CDK13: variants seen among roughly 807,000 people sequenced by gnomAD.
CDK13 encodes the protein cyclin-dependent kinase 13.
In CDK13, 40 loss-of-function variants were observed where a neutral mutation model predicts 137.6. The observed-to-expected ratio is 0.29, with a 90% CI of 0.23 to 0.38. The LOEUF (loss-of-function observed/expected upper bound fraction) is 0.38, where lower values mean the gene tolerates loss of function less well. CDK13 is among the 10% of genes least tolerant of loss of function. The probability of loss-of-function intolerance (pLI) is 1.00; values close to 1 mark genes in which losing one functional copy is unlikely to be tolerated. For synonymous variants in CDK13, 869 were observed against 760.1 expected, an observed-to-expected ratio of 1.14 and a Z score of -2.36; for missense variants, 1,704 against 1,951.8, an observed-to-expected ratio of 0.87 and a Z score of 2.39.
At position 40,098,810 on chromosome 7, in the gene CDK13, TTTAACACAAGTGGCTTTAA is replaced by T. The variant is rs1787092441; in HGVS notation, c.*3831_*3849del. On this transcript the variant is annotated 3_prime_UTR_variant, in exon 14 of 14. Coordinates refer to ENST00000181839, the MANE Select transcript of CDK13 (RefSeq NM_003718.5). ...AATAATTAGACTATTGGACTAATGG[TTTAACACAAGTGGCTTTAA>T]AAAGTCTGCTTAAAAAACAATTTTT... 6.6e-6 allele frequency: 1 copy of T among 152,086 alleles called. No individual in the cohort carries two copies. The allele number at this position is 152,086 out of a possible 1,614,324, so 9.4% of individuals were successfully genotyped here. A position where few individuals can be genotyped will look rare whatever the true frequency, so the allele number is the denominator to read the frequency against.
chr7:40,078,900 T>C (rs1335018463), intron 11 of CDK13, 49 bp downstream of exon 11: 1 of 731,342 alleles, frequency 1.4e-6, no homozygotes, highest in Non-Finnish European at 1.8e-6. Flanking sequence ...ATTATATTTA[T>C]TATATTAAAA....
At chr7:39,964,630 A>G (rs1363076064) in intron 1 of CDK13, among the ~76,000 whole-genome samples, 2 of 146,204 alleles carry the variant, frequency 1.4e-5, no homozygotes, top group East Asian at 4.0e-4. Context: ...TATTTCCTTC[A>G]GTTCTGCTCT....
intron 5 of CDK13, among the ~76,000 whole-genome samples, chr7:40,007,474 T>G (rs1784816337): frequency 6.6e-6 from 1 of 152,238 alleles, no homozygotes; most frequent in Admixed American, 6.5e-5. Context: ...TCACCCAGGC[T>G]GGAGTGCAGT....
intron 9 of CDK13, chr7:40,073,584 TTCTTTC>T (rs1026944642): frequency 6.8e-6 from 1 of 148,120 alleles, no homozygotes; most frequent in Non-Finnish European, 1.5e-5. Flanking sequence ...CTTTTTCTTT[TTCTTTC>T]TTTCTTTTTT....
At chr7:39,999,326 A>G (rs758921796) in intron 3 of CDK13, 35 bp from the exon 4 acceptor site, 2 of 1,554,012 alleles carry the variant, frequency 1.3e-6, no homozygotes, top group Admixed American at 1.9e-5. Context: ...AATTTGCTTG[A>G]TTGTATATAA....
At chr7:39,959,102 C>A (rs1206509678) in intron 1 of CDK13, among the ~76,000 whole-genome samples, 1 of 151,214 alleles carries the variant, frequency 6.6e-6, no homozygotes, top group Admixed American at 6.6e-5. Context: ...GCACCATTAT[C>A]GTTTCATTCA....
chr7:40,082,728 T>C (rs1280921451), intron 11 of CDK13, among the ~76,000 whole-genome samples: 3 of 149,658 alleles, frequency 2.0e-5, no homozygotes, highest in Non-Finnish European at 3.0e-5. Context: ...GAGGTGGAGA[T>C]TGCAGTGAGC....
chr7:40,008,339 CA>C (rs1409024119), intron 5 of CDK13, among the ~76,000 whole-genome samples: 1 of 152,152 alleles, frequency 6.6e-6, no homozygotes, highest in African/African-American at 2.4e-5. Context: ...AATGAAGTTA[CA>C]GAACATTTTC....
chr7:40,037,654 T>C (rs1219534305), intron 5 of CDK13, among the ~76,000 whole-genome samples: 1 of 152,220 alleles, frequency 6.6e-6, no homozygotes, highest in Non-Finnish European at 1.5e-5. Flanking sequence ...TTTGGAGGCT[T>C]GCTACTGTAG....
At chr7:39,966,617 G>A (rs1448231557) in intron 1 of CDK13, among the ~76,000 whole-genome samples, 8 of 152,142 alleles carry the variant, frequency 5.3e-5, no homozygotes, top group South Asian at 4.1e-4. Context: ...TGAACTCGTC[G>A]AAGTCATTCT....
chr7:40,018,182 A>G (rs1285597320), intron 5 of CDK13, among the ~76,000 whole-genome samples: 1 of 152,152 alleles, frequency 6.6e-6, no homozygotes, highest in Non-Finnish European at 1.5e-5. Flanking sequence ...TGGGAGGAAG[A>G]ATGCTTTTTA....
chr7:40,051,295 C>T (rs1272044898), intron 7 of CDK13, among the ~76,000 whole-genome samples: 1 of 150,112 alleles, frequency 6.7e-6, no homozygotes, highest in Non-Finnish European at 1.5e-5. Context: ...ATTCTGATTT[C>T]TTCAGAATCT....
At chr7:39,997,207 A>G (rs1183535458) in intron 2 of CDK13, among the ~76,000 whole-genome samples, 4 of 152,166 alleles carry the variant, frequency 2.6e-5, no homozygotes, top group Non-Finnish European at 5.9e-5. Flanking sequence ...AGTATGGTAC[A>G]TTCGTTAACA....
intron 1 of CDK13, among the ~76,000 whole-genome samples, chr7:39,982,261 C>G (rs1439655230): frequency 4.0e-5 from 6 of 150,424 alleles, no homozygotes; most frequent in Non-Finnish European, 2.9e-5. Flanking sequence ...TGAGAACATG[C>G]GGTGTTTGGT....
chr7:40,094,054 C>T (rs1198684874), intron 13 of CDK13, 76 bp from the exon 14 acceptor site: 1 of 1,506,762 alleles, frequency 6.6e-7, no homozygotes, highest in Admixed American at 2.0e-5. Flanking sequence ...GAACTACCTA[C>T]AGGAAACACT....
At chr7:40,005,686 G>A (rs761177237) in intron 5 of CDK13, among the ~76,000 whole-genome samples, 2 of 152,128 alleles carry the variant, frequency 1.3e-5, no homozygotes, top group Admixed American at 1.3e-4. Flanking sequence ...GTATATTTTT[G>A]TGTAGAAACT....
At chr7:40,076,641 G>C (rs1326513621) in intron 9 of CDK13, among the ~76,000 whole-genome samples, 1 of 151,334 alleles carries the variant, frequency 6.6e-6, no homozygotes, top group African/African-American at 2.5e-5. Context: ...TAAAGCTTGG[G>C]TTTATAAAAA....
intron 2 of CDK13, among the ~76,000 whole-genome samples, chr7:39,996,551 C>T (rs564887503): frequency 1.3e-5 from 2 of 152,232 alleles, no homozygotes; most frequent in East Asian, 3.9e-4. Flanking sequence ...AATAATTGTC[C>T]AATTTAGAAA....
intron 13 of CDK13, 78 bp downstream of exon 13, chr7:40,093,315 T>C: frequency 1.7e-6 from 2 of 1,197,466 alleles, no homozygotes; most frequent in Non-Finnish European, 2.3e-6. Flanking sequence ...ATATAATGTG[T>C]ATAGTTCAGT....
Sources: gnomAD v4.1 joint callset for allele counts (sites outside exome capture counted in the v4.1 genomes callset) on GRCh38, gnomAD v4.1.1 for gene constraint, MANE v1.5 for transcripts, NCBI Gene and HGNC (gene_info 2026-07-23, HGNC 2026-07-21) for gene names.